The following CFH variants were observed in gnomAD, a reference collection of about 807,000 sequenced individuals.
CFH encodes the protein H factor 1 (complement).
Under a neutral mutation model 147.3 loss-of-function variants are expected in CFH, and 53 were observed. The ratio of observed to expected loss-of-function variants is 0.36; its 90% CI spans 0.29 to 0.45. The LOEUF (loss-of-function observed/expected upper bound fraction) is 0.45, where lower values mean the gene tolerates loss of function less well. CFH is among the 20% of genes least tolerant of loss of function. CFH has a pLI of 1.00. For synonymous variants in CFH, 536 were observed against 489.4 expected (o/e 1.10, Z -1.26); for missense variants, 1,380 against 1,498.0 (o/e 0.92, Z 1.30).
chr1:196,708,550 C>G (rs529109684), intron 9 of CFH, among the ~76,000 whole-genome samples: 2 of 152,230 alleles, frequency 1.3e-5, no homozygotes, highest in South Asian at 4.1e-4. Flanking sequence ...GAATATCACA[C>G]AAATTCTGGG....
At chr1:196,666,787 A>G (rs1667108898) in intron 1 of CFH, among the ~76,000 whole-genome samples, 1 of 146,658 alleles carries the variant, frequency 6.8e-6, no homozygotes, top group African/African-American at 2.6e-5. Flanking sequence ...CATGGGGGAC[A>G]GAGCGAGACT....
In CFH at chr1:196,673,977, C is replaced by T. The variant is rs190197472; in HGVS notation, c.350+15C>T. The T allele has an allele frequency of 1.5e-4, 221 of 1,512,446 alleles. 2 individuals carry two copies. The highest frequency in any genetic ancestry group is 9.2e-4 in the South Asian group (82 of 88,976). The allele number at this position is 1,512,446 out of a possible 1,614,324, so 93.7% of individuals were successfully genotyped here. On this transcript the variant is annotated intron_variant, in intron 3 of 21. Transcript: ENST00000367429. Reference sequence around the variant, plus strand: ...TGTAATGAGGGGTATGTAGTCCATACGAAAAGAGGTTTATAATTAAGATAG... The same window carrying T: ...TGTAATGAGGGGTATGTAGTCCATATGAAAAGAGGTTTATAATTAAGATAG...
rs55773353 is a variant in CFH, at chr1:196,725,057, T to A, written c.1697-64T>A. On this transcript the variant is annotated intron_variant, in intron 11 of 21. Coordinates refer to ENST00000367429, the MANE Select transcript of CFH (RefSeq NM_000186.4). The stretch of plus-strand genomic sequence containing the variant: ...ATCAACCTCACTTTATTGTGGCATA[T>A]GTAAAATTAACTTTGGCAATGATTA... 71 of 1,395,732 alleles carry A rather than the reference T, an allele frequency of 5.1e-5. No individual in the cohort carries two copies. The East Asian group carries it at 1.2e-3, about 24-fold the overall frequency. The allele number at this position is 1,395,732 out of a possible 1,614,324, so 86.5% of individuals were successfully genotyped here.
intron 20 of CFH, among the ~76,000 whole-genome samples, chr1:196,744,450 G>T (rs1336690085): frequency 3.3e-5 from 5 of 151,912 alleles, no homozygotes; most frequent in Non-Finnish European, 5.9e-5. Flanking sequence ...GATTAATTTC[G>T]ATTCATATGT....
At chr1:196,721,584 T>C (rs971174354) in intron 11 of CFH, among the ~76,000 whole-genome samples, 3 of 151,996 alleles carry the variant, frequency 2.0e-5, no homozygotes, top group Admixed American at 2.0e-4. Flanking sequence ...TGTTCTACAG[T>C]CCAATTTAAG....
intron 10 of CFH, among the ~76,000 whole-genome samples, chr1:196,715,020 T>C (rs80239240): frequency 0.02 from 3,051 of 152,114 alleles, 96 homozygotes; most frequent in African/African-American, 0.069. Context: ...TATTCATGTA[T>C]ACTGTTTTCA....
At chr1:196,692,398 C>G (rs1039245875) in intron 9 of CFH, 1 of 843,166 alleles carries the variant, frequency 1.2e-6, no homozygotes, top group Non-Finnish European at 1.4e-6. Context: ...TAATAATATG[C>G]CTTGATTAGA....
At chr1:196,683,187 G>A (rs932922633) in intron 6 of CFH, among the ~76,000 whole-genome samples, 2 of 151,566 alleles carry the variant, frequency 1.3e-5, no homozygotes, top group Non-Finnish European at 3.0e-5. Flanking sequence ...ACAAAGACAA[G>A]GAGAAGCAGG....
chr1:196,670,662 C>G (rs1380748036), intron 1 of CFH, among the ~76,000 whole-genome samples: 1 of 152,138 alleles, frequency 6.6e-6, no homozygotes, highest in Admixed American at 6.5e-5. Flanking sequence ...TATCTCTTTT[C>G]TTTATAAATT....
intron 1 of CFH, among the ~76,000 whole-genome samples, chr1:196,661,158 G>A (rs1049741848): frequency 6.6e-6 from 1 of 152,074 alleles, no homozygotes; most frequent in African/African-American, 2.4e-5. Flanking sequence ...TATAAACATC[G>A]AAATAGTGCA....
chr1:196,704,637 T>C (rs1375877697), intron 9 of CFH, among the ~76,000 whole-genome samples: 1 of 152,322 alleles, frequency 6.6e-6, no homozygotes, highest in Non-Finnish European at 1.5e-5. Flanking sequence ...AGTCAAGTTT[T>C]GTGCAGGAGT....
chr1:196,689,047 G>T (rs1046357052), intron 7 of CFH, among the ~76,000 whole-genome samples: 3 of 137,276 alleles, frequency 2.2e-5, no homozygotes, highest in Admixed American at 7.6e-5. Flanking sequence ...AAGAAAGAAA[G>T]AAATACATGA....
At chr1:196,658,464 T>A (rs545348498) in intron 1 of CFH, among the ~76,000 whole-genome samples, 1 of 142,238 alleles carries the variant, frequency 7.0e-6, no homozygotes. Flanking sequence ...CAGGCTGGAG[T>A]GCAGTGTCGC....
chr1:196,744,407 T>C (rs1156320394), intron 20 of CFH, among the ~76,000 whole-genome samples: 1 of 152,140 alleles, frequency 6.6e-6, no homozygotes, highest in Admixed American at 6.5e-5. Context: ...TATTTCCCTA[T>C]TCCTCCATTC....
At chr1:196,673,227 A>T (rs1257909030) in intron 2 of CFH, 64 bp downstream of exon 2, 2 of 1,326,478 alleles carry the variant, frequency 1.5e-6, no homozygotes, top group Non-Finnish European at 2.2e-6. Flanking sequence ...AAGATTTAAT[A>T]TTGTAGCAAT....
chr1:196,689,775 G>T (rs12029785), intron 8 of CFH, among the ~76,000 whole-genome samples, 161 bp downstream of exon 8: 1 of 151,782 alleles, frequency 6.6e-6, no homozygotes, highest in Admixed American at 6.6e-5. Context: ...TATTATGAGG[G>T]TTTCTTCTTG....
At chr1:196,682,363 C>T (rs961966396) in intron 6 of CFH, among the ~76,000 whole-genome samples, 5 of 151,478 alleles carry the variant, frequency 3.3e-5, no homozygotes, top group African/African-American at 1.2e-4. Flanking sequence ...GGTACAGGTT[C>T]GGGCAATGTT....
chr1:196,740,249 T>C (rs189159291), intron 17 of CFH, among the ~76,000 whole-genome samples: 1 of 152,334 alleles, frequency 6.6e-6, no homozygotes, highest in African/African-American at 2.4e-5. Flanking sequence ...TTAAAACTTC[T>C]TTTACATTCT....
Position 196,715,576 on chromosome 1 carries a change from A to G in CFH, c.1520-17A>G. The G allele has an allele frequency of 2.5e-6, 4 of 1,595,512 alleles. No individual in the cohort carries two copies. Among genetic ancestry groups the G allele is most frequent in the Non-Finnish European group, 3.4e-6 (4 of 1,163,756 alleles). ...AGATGACATTAGAAATGACATTCTAAATTTTTTATGCACTAGAATCTTGTG... is the reference window on the plus strand; with the variant it reads ...AGATGACATTAGAAATGACATTCTAGATTTTTTATGCACTAGAATCTTGTG... On this transcript the variant is annotated splice_polypyrimidine_tract_variant and intron_variant, in intron 10 of 21. Transcript: ENST00000367429.
Sources: gnomAD v4.1 joint callset for allele counts (sites outside exome capture counted in the v4.1 genomes callset) on GRCh38, gnomAD v4.1.1 for gene constraint, MANE v1.5 for transcripts, NCBI Gene and HGNC (gene_info 2026-07-23, HGNC 2026-07-21) for gene names.